TOM1L1: variants seen among roughly 807,000 people sequenced by gnomAD.
TOM1L1 encodes target of myb1 like 1 membrane trafficking protein.
TOM1L1 carries 64 observed loss-of-function variants against 63.4 expected under a neutral mutation model. That is an observed-to-expected ratio of 1.01 (90% CI 0.83 to 1.24). The LOEUF (loss-of-function observed/expected upper bound fraction) is 1.24, where lower values mean the gene tolerates loss of function less well. Ranked by LOEUF, TOM1L1 falls within the 50% of genes most tolerant of loss-of-function variation. TOM1L1 has a pLI of 0.00. For synonymous variants in TOM1L1, 166 were observed against 194.4 expected, an observed-to-expected ratio of 0.85 and a Z score of 1.22; for missense variants, 536 against 567.0, an observed-to-expected ratio of 0.95 and a Z score of 0.55.
intron 4 of TOM1L1, among the ~76,000 whole-genome samples, chr17:54,913,401 C>CA (rs2048526822): frequency 6.6e-6 from 1 of 152,048 alleles, no homozygotes; most frequent in South Asian, 2.1e-4. Flanking sequence ...TGCGGTGGCT[C>CA]ACGCCTGTAA....
chr17:54,955,679 ATG>A (rs1162048197), intron 14 of TOM1L1, among the ~76,000 whole-genome samples: 2 of 151,986 alleles, frequency 1.3e-5, no homozygotes, highest in Admixed American at 6.5e-5. Context: ...AACGATGGCG[ATG>A]TCTCTCAGTC....
intron 3 of TOM1L1, among the ~76,000 whole-genome samples, chr17:54,908,793 G>A (rs967374383): frequency 2.0e-5 from 3 of 152,174 alleles, no homozygotes; most frequent in African/African-American, 7.2e-5. Context: ...TACTATTATT[G>A]TCAAATGGAA....
chr17:54,920,133 A>C (rs958161093), intron 7 of TOM1L1, among the ~76,000 whole-genome samples: 3 of 152,138 alleles, frequency 2.0e-5, no homozygotes, highest in Admixed American at 2.0e-4. Context: ...GAACGCCCAG[A>C]TAATACTGGC....
chr17:54,955,982 C>T (rs2049480093), intron 14 of TOM1L1, among the ~76,000 whole-genome samples: 1 of 152,140 alleles, frequency 6.6e-6, no homozygotes. Context: ...GGTGAGTTGG[C>T]CCACGCATGC....
chr17:54,924,519 T>C (rs1397206579), intron 7 of TOM1L1, among the ~76,000 whole-genome samples: 2 of 152,096 alleles, frequency 1.3e-5, no homozygotes. Context: ...CTTATCATTC[T>C]GATCTTAGCA....
intron 4 of TOM1L1, 70 bp from the exon 5 acceptor site, chr17:54,913,678 A>G: frequency 6.8e-7 from 1 of 1,466,634 alleles, no homozygotes; most frequent in Non-Finnish European, 9.1e-7. Context: ...AAAAAAAAAA[A>G]AAAAAAAGAA....
intron 12 of TOM1L1, among the ~76,000 whole-genome samples, chr17:54,947,942 TCTC>T (rs2049146693): frequency 1.3e-5 from 2 of 152,262 alleles, no homozygotes; most frequent in South Asian, 4.1e-4. Flanking sequence ...CCACTTAATG[TCTC>T]CTCTTGATTT....
At chr17:54,916,101 G>T in intron 7 of TOM1L1, 2 of 447,204 alleles carry the variant, frequency 4.5e-6, no homozygotes, top group Non-Finnish European at 3.9e-6. Flanking sequence ...TTATAACCTT[G>T]GTCATGTACA....
At chr17:54,943,402 T>C (rs1348886164) in intron 11 of TOM1L1, among the ~76,000 whole-genome samples, 2 of 151,544 alleles carry the variant, frequency 1.3e-5, no homozygotes, top group East Asian at 1.9e-4. Context: ...TAGTGCTCCA[T>C]TTTAGTTTAT....
rs117321855 is a variant in TOM1L1, at chr17:54,915,981, T to G, written c.720+119T>G. 9.4e-3 allele frequency: 6,022 copies of G among 640,726 alleles called. 36 individuals carry two copies. Among genetic ancestry groups the G allele is most frequent in the Non-Finnish European group, 0.012 (4,491 of 379,036 alleles). 39.7% of individuals were successfully genotyped at this position (640,726 alleles called of 1,614,324 possible). A position where few individuals can be genotyped will look rare whatever the true frequency, so the allele number is the denominator to read the frequency against. On this transcript the variant is annotated intron_variant, in intron 7 of 15. Transcript: ENST00000575882. ...CTAGTACATCCTCCTACATCCTGAT[T>G]TCAGTTGATTTCTAAACTTAACAAA... is the stretch of plus-strand genomic sequence containing the variant.
intron 7 of TOM1L1, among the ~76,000 whole-genome samples, chr17:54,922,832 G>C (rs143248368): frequency 1.3e-5 from 2 of 152,248 alleles, no homozygotes; most frequent in African/African-American, 4.8e-5. Flanking sequence ...AGGTTCAACA[G>C]TATTTCCTCT....
chr17:54,936,135 A>AG (rs1379043858), intron 8 of TOM1L1, among the ~76,000 whole-genome samples: 1 of 151,504 alleles, frequency 6.6e-6, no homozygotes, highest in East Asian at 2.0e-4. Context: ...AAAAAAAAAA[A>AG]ACCACAGTGA....
intron 7 of TOM1L1, among the ~76,000 whole-genome samples, chr17:54,917,657 G>A (rs934247887): frequency 2.6e-5 from 4 of 151,766 alleles, no homozygotes; most frequent in Admixed American, 2.6e-4. Context: ...TTTTTAATTT[G>A]CATTCTCCAG....
intron 14 of TOM1L1, among the ~76,000 whole-genome samples, chr17:54,956,607 C>T (rs1361839363): frequency 6.6e-6 from 1 of 151,990 alleles, no homozygotes; most frequent in Non-Finnish European, 1.5e-5. Context: ...CCGTGCCTAG[C>T]CTTTTAATTT....
chr17:54,929,175 T>C (rs1157064152), intron 7 of TOM1L1, among the ~76,000 whole-genome samples: 1 of 152,162 alleles, frequency 6.6e-6, no homozygotes, highest in East Asian at 1.9e-4. Flanking sequence ...ATTGGAAATA[T>C]TAATATCAGT....
intron 8 of TOM1L1, among the ~76,000 whole-genome samples, chr17:54,932,256 G>T (rs1163394856): frequency 6.6e-6 from 1 of 152,156 alleles, no homozygotes; most frequent in Non-Finnish European, 1.5e-5. Context: ...GGTCGTGATT[G>T]ATTGAGCAAG....
chr17:54,954,473 AC>A (rs2049391694), intron 14 of TOM1L1: 1 of 152,288 alleles, frequency 6.6e-6, no homozygotes. Flanking sequence ...GAAGAGTGCA[AC>A]AGGGGCCTGC....
At chr17:54,958,929 G>A (rs1254139053) in intron 14 of TOM1L1, among the ~76,000 whole-genome samples, 2 of 152,118 alleles carry the variant, frequency 1.3e-5, no homozygotes, top group Non-Finnish European at 2.9e-5. Context: ...AACTGAATGG[G>A]TCAAGTGCTT....
At chr17:54,905,093 C>T (rs2048388792) in intron 2 of TOM1L1, among the ~76,000 whole-genome samples, 2 of 152,110 alleles carry the variant, frequency 1.3e-5, no homozygotes, top group South Asian at 2.1e-4. Context: ...GTTACATCCC[C>T]TTGTCTATAG....
Sources: gnomAD v4.1 joint callset for allele counts (sites outside exome capture counted in the v4.1 genomes callset) on GRCh38, gnomAD v4.1.1 for gene constraint, MANE v1.5 for transcripts, NCBI Gene and HGNC (gene_info 2026-07-23, HGNC 2026-07-21) for gene names.